RABGAP1L: variants seen among roughly 807,000 people sequenced by gnomAD.
The protein encoded by RABGAP1L is RAB GTPase activating protein 1 like, also known as rab GTPase-activating protein 1-like.
Under a neutral mutation model 137.7 loss-of-function variants are expected in RABGAP1L, and 63 were observed. The ratio of observed to expected loss-of-function variants is 0.46; its 90% CI spans 0.37 to 0.56. The LOEUF is 0.56. Ranked by LOEUF, RABGAP1L falls within the 20% of genes least tolerant of loss-of-function variation. The probability of loss-of-function intolerance (pLI) is 0.00; values close to 1 mark genes in which losing one functional copy is unlikely to be tolerated. For missense variants in RABGAP1L, 1,095 were observed against 1,244.0 expected, an observed-to-expected ratio of 0.88 and a Z score of 1.80; for synonymous variants, 431 against 433.7, an observed-to-expected ratio of 0.99 and a Z score of 0.08.
At chr1:174,589,144 A>G (rs754594209) in intron 13 of RABGAP1L, among the ~76,000 whole-genome samples, 2 of 152,182 alleles carry the variant, frequency 1.3e-5, no homozygotes, top group South Asian at 2.1e-4. Context: ...AAAGCCATTA[A>G]AACTTGGGTG....
chr1:174,733,348 C>T (rs1283777991), intron 17 of RABGAP1L, among the ~76,000 whole-genome samples: 1 of 152,176 alleles, frequency 6.6e-6, no homozygotes, highest in Non-Finnish European at 1.5e-5. Context: ...TTTCGTGGTC[C>T]CATCCCTCCC....
intron 24 of RABGAP1L, 77 bp from the exon 25 acceptor site, chr1:174,988,564 A>C: frequency 7.9e-7 from 1 of 1,264,764 alleles, no homozygotes; most frequent in Non-Finnish European, 1.0e-6. Flanking sequence ...AGCATCTAAA[A>C]AAGTCATAAA....
chr1:174,670,732 T>G lies in RABGAP1L; in HGVS notation c.1825-12790T>G, dbSNP rs570812648. ...CATGTTGTTGCAATTGATAGGATATTTTTTAAGGCTGAATAGTACTCCATT... is the reference window on the plus strand; with the variant it reads ...CATGTTGTTGCAATTGATAGGATATGTTTTAAGGCTGAATAGTACTCCATT... On this transcript the variant is annotated intron_variant, in intron 14 of 25. Transcript: ENST00000681986. 1.8e-4 allele frequency among the ~76,000 whole-genome samples: 28 copies of G among 152,268 alleles called. No homozygotes were observed. In the South Asian group the frequency reaches 5.6e-3, roughly 30 times the overall value.
chr1:174,423,613 G>C (rs1204775381), intron 13 of RABGAP1L, among the ~76,000 whole-genome samples: 1 of 152,002 alleles, frequency 6.6e-6, no homozygotes, highest in Admixed American at 6.6e-5. Flanking sequence ...ATATGCCTTG[G>C]GATGAAAACA....
intron 13 of RABGAP1L, among the ~76,000 whole-genome samples, chr1:174,537,797 G>T (rs983917965): frequency 2.6e-5 from 4 of 152,100 alleles, no homozygotes; most frequent in Admixed American, 1.3e-4. Flanking sequence ...ACACAAAAAA[G>T]TTATAATTTT....
rs561421555 is a variant in RABGAP1L, at chr1:174,574,925, AGTTT to A, written c.1711-62433_1711-62430del. Among the ~76,000 whole-genome samples, 144 of 152,130 alleles carry A rather than the reference AGTTT, an allele frequency of 9.5e-4. 1 individual carries two copies. Among genetic ancestry groups the A allele is most frequent in the African/African-American group, 3.2e-3 (131 of 41,500 alleles). On this transcript the variant is annotated intron_variant, in intron 13 of 25. Transcript: ENST00000681986. ...GATCTGTCTGCCTTTTTCTTTGAAA[AGTTT>A]GTTTGTTTGTTTGTTTTTGAGACAG...
chr1:174,432,439 G>A (rs1019405556), intron 13 of RABGAP1L, among the ~76,000 whole-genome samples: 1 of 152,106 alleles, frequency 6.6e-6, no homozygotes, highest in South Asian at 2.1e-4. Flanking sequence ...TTAGGTTTTC[G>A]TAGACTAAGC....
chr1:174,886,346 C>T (rs967706204), intron 19 of RABGAP1L, among the ~76,000 whole-genome samples: 15 of 152,192 alleles, frequency 9.9e-5, no homozygotes, highest in Non-Finnish European at 1.9e-4. Flanking sequence ...CACCACAGTG[C>T]GCAAGCTGAA....
intron 19 of RABGAP1L, among the ~76,000 whole-genome samples, chr1:174,873,914 G>A (rs114470072): frequency 0.028 from 4,327 of 152,228 alleles, 94 homozygotes; most frequent in Non-Finnish European, 0.042. Flanking sequence ...TAGAAAAATA[G>A]CCACTTCTTA....
chr1:174,359,214 G>T (rs939995442), intron 11 of RABGAP1L, among the ~76,000 whole-genome samples: 16 of 151,396 alleles, frequency 1.1e-4, no homozygotes, highest in Non-Finnish European at 2.4e-4. Flanking sequence ...TTCTCGGTGT[G>T]TCTTTTACTG....
chr1:174,434,151 A>ACACACACACACACACCCACC (rs1361968902), intron 13 of RABGAP1L, among the ~76,000 whole-genome samples: 1 of 147,518 alleles, frequency 6.8e-6, no homozygotes, highest in Non-Finnish European at 1.5e-5. Context: ...ACACACACAC[A>ACACACACACACACACCCACC]CCCTGCCTGG....
rs554951779 is a variant in RABGAP1L at position 174,829,726 on chromosome 1, T to C, written c.2340+17766T>C. 4.8e-4 allele frequency among the ~76,000 whole-genome samples: 71 copies of C among 148,828 alleles called. 5 individuals carry two copies. The highest frequency in any genetic ancestry group is 1.6e-3 in the African/African-American group (65 of 40,868). On this transcript the variant is annotated intron_variant, in intron 19 of 25. Coordinates refer to ENST00000681986, the MANE Select transcript of RABGAP1L (RefSeq NM_001366446.1). ...AAAAGATTGCTAATGTAATTACTAA[T>C]GTAATATAATTACTAATAGATCACA...
At position 174,543,807 on chromosome 1, in the gene RABGAP1L, C is replaced by T. The variant is rs915545355; in HGVS notation, c.1711-93568C>T. 7.2e-5 allele frequency among the ~76,000 whole-genome samples: 11 copies of T among 152,308 alleles called. No individual in the cohort carries two copies. The East Asian group carries it at 2.1e-3, about 29-fold the overall frequency. On this transcript the variant is annotated intron_variant, in intron 13 of 25. Coordinates refer to ENST00000681986, the MANE Select transcript of RABGAP1L (RefSeq NM_001366446.1). The stretch of plus-strand genomic sequence containing the variant: ...CAGGCCTGGTGGTGACAAAATCTCT[C>T]AGCATTTGCTTGTCTGTAAAGGATT...
chr1:174,923,878 C>CAAAAAAAAAAAAA (rs1176474943), intron 19 of RABGAP1L, among the ~76,000 whole-genome samples: 1 of 87,280 alleles, frequency 1.1e-5, no homozygotes, highest in Non-Finnish European at 2.4e-5. Flanking sequence ...GAGACTGTCT[C>CAAAAAAAAAAAAA]AAAAAAAAAA....
At chr1:174,401,114 G>A (rs970170257) in intron 13 of RABGAP1L, among the ~76,000 whole-genome samples, 1 of 151,962 alleles carries the variant, frequency 6.6e-6, no homozygotes, top group Admixed American at 6.6e-5. Context: ...ATGTAAATCC[G>A]TGTTGAATCA....
chr1:174,573,865 A>G (rs1173333384), intron 13 of RABGAP1L, among the ~76,000 whole-genome samples: 1 of 152,262 alleles, frequency 6.6e-6, no homozygotes, highest in East Asian at 1.9e-4. Context: ...ACTCTATTAA[A>G]GAAGGATTGT....
At chr1:174,914,898 A>G (rs1231627516) in intron 19 of RABGAP1L, among the ~76,000 whole-genome samples, 3 of 152,220 alleles carry the variant, frequency 2.0e-5, no homozygotes, top group African/African-American at 7.2e-5. Context: ...AAATGGAACC[A>G]TACAGTATTT....
intron 7 of RABGAP1L, among the ~76,000 whole-genome samples, chr1:174,254,944 A>C (rs1571797566): frequency 6.6e-6 from 1 of 151,838 alleles, no homozygotes; most frequent in South Asian, 2.1e-4. Context: ...ACTAATTTGC[A>C]CTCCTGCCAG....
At chr1:174,242,641 A>T (rs921930874) in intron 5 of RABGAP1L, among the ~76,000 whole-genome samples, 41 of 152,186 alleles carry the variant, frequency 2.7e-4, no homozygotes, top group Admixed American at 2.4e-3. Context: ...TGCCCTGGTG[A>T]TCAGTTTGCT....
Sources: gnomAD v4.1 joint callset for allele counts (sites outside exome capture counted in the v4.1 genomes callset) on GRCh38, gnomAD v4.1.1 for gene constraint, MANE v1.5 for transcripts, NCBI Gene and HGNC (gene_info 2026-07-23, HGNC 2026-07-21) for gene names.